The following TRPC7 variants were observed in gnomAD, a reference collection of about 807,000 sequenced individuals.
TRPC7 encodes the protein short transient receptor potential channel 7.
A neutral mutation model predicts 90.1 loss-of-function variants in TRPC7; 42 were observed. The ratio of observed to expected loss-of-function variants is 0.47; its 90% confidence interval spans 0.36 to 0.60. The LOEUF (loss-of-function observed/expected upper bound fraction) is 0.60. Ranked by LOEUF, TRPC7 falls within the 20% of genes least tolerant of loss-of-function variation. The pLI, the probability that TRPC7 is intolerant of heterozygous loss-of-function variation, is 0.00. For synonymous variants in TRPC7, 451 were observed against 436.3 expected, an observed-to-expected ratio of 1.03 and a Z score of -0.42; for missense variants, 955 against 1,112.3, an observed-to-expected ratio of 0.86 and a Z score of 2.01.
intron 10 of TRPC7, among the ~76,000 whole-genome samples, chr5:136,217,462 G>A (rs1755305806): frequency 2.6e-5 from 4 of 152,244 alleles, no homozygotes; most frequent in Admixed American, 2.6e-4. Context: ...ACCTGAACCC[G>A]AAAGGCTCTC....
intron 2 of TRPC7, among the ~76,000 whole-genome samples, chr5:136,317,198 A>T (rs891392409): frequency 6.6e-6 from 1 of 152,152 alleles, no homozygotes; most frequent in African/African-American, 2.4e-5. Context: ...CAGGCGTGTA[A>T]GAAACTTTTG....
intron 3 of TRPC7, among the ~76,000 whole-genome samples, chr5:136,296,734 T>A (rs1181467966): frequency 1.3e-5 from 2 of 152,242 alleles, no homozygotes; most frequent in African/African-American, 4.8e-5. Flanking sequence ...ATGGGGCACA[T>A]GATTGTACAC....
rs144121095 is a variant in TRPC7, at chr5:136,216,138, G to T, written c.2419+62C>A. On this transcript the variant is annotated intron_variant, in intron 11 of 11. Transcript: ENST00000513104. ...CTGACAACACTGTGGCCGTAGCCCA[G>T]TGAGACCCACAGAACCTGTGTTGTT... 5.3e-4 allele frequency: 740 copies of T among 1,408,060 alleles called. 3 individuals carry two copies. In the African/African-American group the frequency reaches 9.4e-3, roughly 18 times the overall value. 87.2% of individuals were successfully genotyped at this position (1,408,060 alleles called of 1,614,324 possible).
chr5:136,295,347 G>A (rs972639808), intron 3 of TRPC7, among the ~76,000 whole-genome samples: 2 of 152,144 alleles, frequency 1.3e-5, no homozygotes, highest in Non-Finnish European at 2.9e-5. Context: ...TAATCTGGGG[G>A]AAAATGTATA....
In TRPC7 at chr5:136,266,425, G is replaced by A. The variant is rs766484457; in HGVS notation, c.1140C>T (p.Thr380=). The change falls in exon 5 of 12, where the codon ACC becomes ACT. Residue 380 remains threonine (T), a synonymous_variant. Coordinates refer to ENST00000513104, the MANE Select transcript of TRPC7 (RefSeq NM_020389.3). ...WIAPCSKLGR[T]LRSPFMKFVA... is the part of the protein sequence containing the mutation. ...CAAACTTCATGAAAGGGCTCCTCAGGGTTCGTCCTAGCTGGAAAGAAAATG... is the reference window on the plus strand; with the variant it reads ...CAAACTTCATGAAAGGGCTCCTCAGAGTTCGTCCTAGCTGGAAAGAAAATG... The A allele has an allele frequency of 1.2e-5, 19 of 1,613,260 alleles. No individual in the cohort carries two copies. In the East Asian group the frequency reaches 4.0e-4, roughly 34 times the overall value.
intron 7 of TRPC7, among the ~76,000 whole-genome samples, chr5:136,237,034 G>A (rs1222450357): frequency 6.6e-6 from 1 of 152,172 alleles, no homozygotes; most frequent in Non-Finnish European, 1.5e-5. Context: ...GGCTGATGGA[G>A]GAAGATGTTT....
At chr5:136,242,579 C>G (rs1756206507) in intron 7 of TRPC7, among the ~76,000 whole-genome samples, 1 of 152,170 alleles carries the variant, frequency 6.6e-6, no homozygotes, top group South Asian at 2.1e-4. Context: ...TGCATAGAGC[C>G]TGAAATCCTA....
At chr5:136,249,456 C>T (rs867048541) in intron 6 of TRPC7, among the ~76,000 whole-genome samples, 11 of 152,202 alleles carry the variant, frequency 7.2e-5, no homozygotes, top group Non-Finnish European at 1.3e-4. Context: ...TCCAATATAT[C>T]TGTCATCTTC....
intron 10 of TRPC7, among the ~76,000 whole-genome samples, chr5:136,217,875 G>C (rs1411091829): frequency 1.3e-5 from 2 of 151,418 alleles, no homozygotes; most frequent in African/African-American, 2.4e-5. Context: ...AAATTAGCTG[G>C]GCATGGTGGT....
Position 136,296,015 on chromosome 5 carries a change from C to T in TRPC7, c.963+19582G>A, listed in dbSNP as rs572957933. ...AGTCCTAACATATCATTAACTTGGC[C>T]ACAAATGTGTAGAAAGTTCTATATC... On this transcript the variant is annotated intron_variant, in intron 3 of 11. Coordinates refer to ENST00000513104, the MANE Select transcript of TRPC7 (RefSeq NM_020389.3). Among the ~76,000 whole-genome samples the T allele has an allele frequency of 7.2e-5, 11 of 152,188 alleles. No individual in the cohort carries two copies. In the South Asian group the frequency reaches 2.1e-3, roughly 29 times the overall value.
At chr5:136,297,148 C>G (rs143162004) in intron 3 of TRPC7, among the ~76,000 whole-genome samples, 114 of 152,320 alleles carry the variant, frequency 7.5e-4, no homozygotes, top group African/African-American at 2.6e-3. Flanking sequence ...TGAACCTCCT[C>G]CTGTTCCATG....
chr5:136,281,493 T>C (rs1421187929), intron 3 of TRPC7, among the ~76,000 whole-genome samples: 1 of 152,230 alleles, frequency 6.6e-6, no homozygotes, highest in South Asian at 2.1e-4. Context: ...GACACTGATA[T>C]CTTACTAGGA....
At position 136,338,020 on chromosome 5, in the gene TRPC7, G is replaced by A. The variant is rs540598163; in HGVS notation, c.780+18588C>T. Among the ~76,000 whole-genome samples the A allele has an allele frequency of 7.2e-5, 11 of 152,176 alleles. No individual in the cohort carries two copies. The South Asian group carries it at 8.3e-4, about 11-fold the overall frequency. On this transcript the variant is annotated intron_variant, in intron 2 of 11. Transcript: ENST00000513104. ...AAACAACTGCATTGTGAGTAAGTGCGTCGTATTCTAACCATGGGAGGGAAT... is the reference window on the plus strand; with the variant it reads ...AAACAACTGCATTGTGAGTAAGTGCATCGTATTCTAACCATGGGAGGGAAT...
intron 2 of TRPC7, among the ~76,000 whole-genome samples, chr5:136,331,249 G>C (rs1759491016): frequency 6.6e-6 from 1 of 152,136 alleles, no homozygotes; most frequent in Non-Finnish European, 1.5e-5. Flanking sequence ...TCCTTCCAAG[G>C]CTTCATCCAC....
At chr5:136,354,818 T>C (rs920667783) in intron 2 of TRPC7, among the ~76,000 whole-genome samples, 6 of 152,206 alleles carry the variant, frequency 3.9e-5, no homozygotes, top group Non-Finnish European at 8.8e-5. Flanking sequence ...CACATGGAAC[T>C]ACTCATCCTC....
intron 10 of TRPC7, among the ~76,000 whole-genome samples, chr5:136,220,571 T>A (rs1755421760): frequency 6.6e-6 from 1 of 152,140 alleles, no homozygotes; most frequent in Admixed American, 6.5e-5. Flanking sequence ...TCGAACCCTG[T>A]TTTCTGTTGT....
chr5:136,338,797 A>G (rs999128651), intron 2 of TRPC7, among the ~76,000 whole-genome samples: 10 of 152,166 alleles, frequency 6.6e-5, no homozygotes, highest in African/African-American at 9.7e-5. Context: ...CAGGGCTACA[A>G]TGGCATTTTC....
chr5:136,333,401 T>C (rs1180804635), intron 2 of TRPC7, among the ~76,000 whole-genome samples: 1 of 152,144 alleles, frequency 6.6e-6, no homozygotes, highest in Non-Finnish European at 1.5e-5. Flanking sequence ...AGTAGATGTA[T>C]AGGTTGTCAG....
chr5:136,357,455 G>T, intron 1 of TRPC7, 70 bp from the exon 2 acceptor site: 1 of 1,437,156 alleles, frequency 7.0e-7, no homozygotes, highest in Non-Finnish European at 9.3e-7. Flanking sequence ...CACAAAAATG[G>T]TTGAGATACA....
Sources: allele counts gnomAD v4.1 joint callset (sites outside exome capture counted in the v4.1 genomes callset), GRCh38; gene constraint gnomAD v4.1.1; transcripts MANE v1.5; gene names NCBI Gene and HGNC (gene_info 2026-07-23, HGNC 2026-07-21).